Variants in DEPP1 observed in about 807,000 individuals in gnomAD.
DEPP1 encodes protein DEPP1.
For synonymous variants in DEPP1, 117 were observed against 113.6 expected, an observed-to-expected ratio of 1.03 and a Z score of -0.19; for missense variants, 267 against 280.1, an observed-to-expected ratio of 0.95 and a Z score of 0.33.
rs2132780924 is a variant in DEPP1 at position 44,976,701 on chromosome 10, AGTG to A, written c.*688_*690del. 1 of 152,776 alleles carries A rather than the reference AGTG, an allele frequency of 6.5e-6. No individual in the cohort carries two copies. The highest frequency in any genetic ancestry group is 1.9e-4 in the East Asian group (1 of 5,194). The allele number at this position is 152,776 out of a possible 1,614,324, so 9.5% of individuals were successfully genotyped here. The stretch of plus-strand genomic sequence containing the variant: ...CCATGCCATGAGGCCCCTGTGTGGA[AGTG>A]GTGTAGGGGTGGGGATGGTAGCACT... On this transcript the variant is annotated 3_prime_UTR_variant, in exon 2 of 2. Coordinates refer to ENST00000298295, the MANE Select transcript of DEPP1 (RefSeq NM_007021.4).
chr10:44,978,584 T>G (rs997280393), intron 1 of DEPP1, 34 bp downstream of exon 1: 1 of 152,398 alleles, frequency 6.6e-6, no homozygotes, highest in Non-Finnish European at 1.5e-5. Flanking sequence ...CCTTGTGTTT[T>G]GTCTCAAACC....
At position 44,977,761 on chromosome 10, in the gene DEPP1, A is replaced by G. The variant is rs1588822214; in HGVS notation, c.270T>C (p.Ser90=). 2.5e-6 allele frequency: 4 copies of G among 1,601,108 alleles called. No individual in the cohort carries two copies. The highest frequency in any genetic ancestry group is 3.4e-6 in the Non-Finnish European group (4 of 1,172,240). Reference sequence around the variant, plus strand: ...CCATGGGCAGTGTGGGCTGCTGGCCACTGAAACGTGCGGTGATGTCTCGCA... The same window carrying G: ...CCATGGGCAGTGTGGGCTGCTGGCCGCTGAAACGTGCGGTGATGTCTCGCA... ...VSLRDITARF[S]GQQPTLPMAD... Residue 90 remains serine (S), a synonymous_variant, in exon 2 of 2, where the codon AGT becomes AGC. Transcript: ENST00000298295.
In DEPP1 at chr10:44,977,669, T is replaced by C. The variant is rs945476157; in HGVS notation, c.362A>G (p.Asp121Gly). ...ESQEKQPSQR[D>G]LPRRTGPSAG... ...AGAGGGGCCAGTCCTCCTTGGCAGG[T>C]CCCTCTGGCTTGGCTGCTTTTCCTG... The change falls in exon 2 of 2, where the codon GAC (aspartate) becomes GGC (glycine). Residue 121 changes from aspartate to glycine, a missense_variant. Asp to Gly is a moderately conservative substitution (Grantham distance 94). Transcript: ENST00000298295. 6.8e-6 allele frequency: 11 copies of C among 1,612,804 alleles called. No individual in the cohort carries two copies. Among genetic ancestry groups the C allele is most frequent in the Admixed American group, 1.7e-5 (1 of 59,970 alleles).
chr10:44,977,025 T>G lies in DEPP1; in HGVS notation c.*367A>C. 5.9e-6 allele frequency: 1 copy of G among 170,332 alleles called. No individual in the cohort carries two copies. Among genetic ancestry groups the G allele is most frequent in the Non-Finnish European group, 1.2e-5 (1 of 80,574 alleles). 10.6% of individuals were successfully genotyped at this position (170,332 alleles called of 1,614,324 possible). A position where few individuals can be genotyped will look rare whatever the true frequency, so the allele number is the denominator to read the frequency against. ...CTACCACCAGTTTCCCCACCAGCGATGATGGTAGCTACTCAGCCAGTGGGC... is the reference window on the plus strand; with the variant it reads ...CTACCACCAGTTTCCCCACCAGCGAGGATGGTAGCTACTCAGCCAGTGGGC... On this transcript the variant is annotated 3_prime_UTR_variant, in exon 2 of 2. Coordinates refer to ENST00000298295, the MANE Select transcript of DEPP1 (RefSeq NM_007021.4).
At position 44,976,501 on chromosome 10, in the gene DEPP1, T is replaced by C. The variant is rs1013888771; in HGVS notation, c.*891A>G. On this transcript the variant is annotated 3_prime_UTR_variant, in exon 2 of 2. Transcript: ENST00000298295. The stretch of plus-strand genomic sequence containing the variant: ...TCTCCTCTCTCTGTCCCTTCACCTC[T>C]GATCAGTCCCAGCCTGATTCCCGTT... 6.6e-6 allele frequency: 1 copy of C among 152,438 alleles called. No homozygotes were observed. The highest frequency in any genetic ancestry group is 1.5e-5 in the Non-Finnish European group (1 of 68,168). 9.4% of individuals were successfully genotyped at this position (152,438 alleles called of 1,614,324 possible). A position where few individuals can be genotyped will look rare whatever the true frequency, so the allele number is the denominator to read the frequency against.
In DEPP1 at chr10:44,977,686, C is replaced by CT. The variant is rs1294036632; in HGVS notation, c.344dup (p.Gln116AlafsTer22). ...TTGGCAGGTCCCTCTGGCTTGGCTG[C>CT]TTTTCCTGGGACTCCCCAAAAAGCC... On this transcript the variant is annotated frameshift_variant, in exon 2 of 2. Transcript: ENST00000298295. LOFTEE classifies it low-confidence loss of function (END_TRUNC). 1 of 1,612,744 alleles carries CT rather than the reference C, an allele frequency of 6.2e-7. No individual in the cohort carries two copies. The highest frequency in any genetic ancestry group is 8.5e-7 in the Non-Finnish European group (1 of 1,179,796).
Position 44,977,746 on chromosome 10 carries a change from T to C in DEPP1, c.285A>G (p.Thr95=). The C allele has an allele frequency of 6.2e-7, 1 of 1,601,676 alleles. No homozygotes were observed. The highest frequency in any genetic ancestry group is 8.5e-7 in the Non-Finnish European group (1 of 1,172,976). Residue 95 remains threonine (T), a synonymous_variant, in exon 2 of 2, where the codon ACA becomes ACG. Transcript: ENST00000298295. ...ITARFSGQQP[T]LPMADTVDPL... ...GGTCCACAGTATCAGCCATGGGCAG[T>C]GTGGGCTGCTGGCCACTGAAACGTG...
rs1210897196 is a variant in DEPP1 at position 44,976,432 on chromosome 10, T to A, written c.*960A>T. 1 of 152,326 alleles carries A rather than the reference T, an allele frequency of 6.6e-6. No individual in the cohort carries two copies. Among genetic ancestry groups the A allele is most frequent in the Non-Finnish European group, 1.5e-5 (1 of 68,086 alleles). 9.4% of individuals were successfully genotyped at this position (152,326 alleles called of 1,614,324 possible). ...ACAGAGCAAGGAGGTGGCAGAGACC[T>A]GCCCAGGTGAGCTTGGCTGTTGCCC... On this transcript the variant is annotated 3_prime_UTR_variant, in exon 2 of 2. Transcript: ENST00000298295.
At position 44,977,252 on chromosome 10, in the gene DEPP1, CT is replaced by C; in HGVS notation, c.*139del. ...TCATATTCAGAGGGGGTCGGTCTCACTGTGAACTGCCCAAGCAGGGGCCTCT... is the reference window on the plus strand; with the variant it reads ...TCATATTCAGAGGGGGTCGGTCTCACGTGAACTGCCCAAGCAGGGGCCTCT... On this transcript the variant is annotated 3_prime_UTR_variant, in exon 2 of 2. Transcript: ENST00000298295. The C allele has an allele frequency of 8.7e-7, 1 of 1,144,104 alleles. No homozygotes were observed. Among genetic ancestry groups the C allele is most frequent in the East Asian group, 2.4e-5 (1 of 41,876 alleles). The allele number at this position is 1,144,104 out of a possible 1,614,324, so 70.9% of individuals were successfully genotyped here. A position where few individuals can be genotyped will look rare whatever the true frequency, so the allele number is the denominator to read the frequency against.
chr10:44,977,185 G>T lies in DEPP1; in HGVS notation c.*207C>A. 1 of 577,982 alleles carries T rather than the reference G, an allele frequency of 1.7e-6. No homozygotes were observed. The highest frequency in any genetic ancestry group is 3.4e-5 in the South Asian group (1 of 29,754). The allele number at this position is 577,982 out of a possible 1,614,324, so 35.8% of individuals were successfully genotyped here. On this transcript the variant is annotated 3_prime_UTR_variant, in exon 2 of 2. Transcript: ENST00000298295. ...GTGATCAGCCAGCAAGGGTCAGAGC[G>T]AACGGGATTGGTAACATCTCCTCAT...
chr10:44,977,988 T>C lies in DEPP1; in HGVS notation c.43A>G (p.Ile15Val). ...LLLSVAHLPTIRETTEEMLLG... is the reference protein window; with the variant it reads ...LLLSVAHLPTVRETTEEMLLG... ...AGCATCTCCTCCGTGGTCTCCCGAA[T>C]TGTGGGCAGATGGGCCACGGAGAGC... The change falls in exon 2 of 2, where the codon ATT (isoleucine) becomes GTT (valine). Residue 15 changes from isoleucine (I) to valine (V), a missense_variant. Ile to Val is a conservative substitution (Grantham distance 29). Transcript: ENST00000298295. 1.9e-6 allele frequency: 3 copies of C among 1,611,798 alleles called. No homozygotes were observed. The highest frequency in any genetic ancestry group is 1.7e-4 in the Middle Eastern group (1 of 6,052).
chr10:44,978,006 C>T lies in DEPP1; in HGVS notation c.25G>A (p.Val9Met), dbSNP rs565312333. ...TCCCGAATTGTGGGCAGATGGGCCA[C>T]GGAGAGCAGAAGCCGGGACCTCATC... MRSRLLLS[V>M]AHLPTIRETT... is the part of the protein sequence containing the mutation. Residue 9 changes from valine to methionine, a missense_variant, in exon 2 of 2, where the codon GTG (valine) becomes ATG (methionine). By Grantham distance (21) the Val-to-Met change is conservative. Coordinates refer to ENST00000298295, the MANE Select transcript of DEPP1 (RefSeq NM_007021.4). The T allele has an allele frequency of 1.1e-5, 18 of 1,610,914 alleles. No homozygotes were observed. Among genetic ancestry groups the T allele is most frequent in the Middle Eastern group, 1.7e-4 (1 of 6,044 alleles).
rs575748217 is a variant in DEPP1 at position 44,977,894 on chromosome 10, C to T, written c.137G>A (p.Arg46Gln). 2.5e-6 allele frequency: 4 copies of T among 1,612,506 alleles called. No homozygotes were observed. The highest frequency in any genetic ancestry group is 4.5e-5 in the East Asian group (2 of 44,870). Residue 46 changes from arginine to glutamine, a missense_variant, in exon 2 of 2, where the codon CGA becomes CAA. Arg to Gln is a conservative substitution (Grantham distance 43, BLOSUM62 1). Transcript: ENST00000298295. ...SLDDYVRSIS[R>Q]LAQPTSVLDK... Reference sequence around the variant, plus strand: ...CAGCACAGAGGTGGGCTGTGCCAGTCGAGATATAGACCTCACGTAGTCATC... The same window carrying T: ...CAGCACAGAGGTGGGCTGTGCCAGTTGAGATATAGACCTCACGTAGTCATC...
intron 1 of DEPP1, among the ~76,000 whole-genome samples, 152 bp downstream of exon 1, chr10:44,978,466 C>T (rs2132785095): frequency 6.6e-6 from 1 of 152,318 alleles, no homozygotes. Flanking sequence ...GAAATAACCC[C>T]TGAATCCCTT....
chr10:44,978,071 A>C lies in DEPP1; in HGVS notation c.-25-16T>G. 1 of 1,585,078 alleles carries C rather than the reference A, an allele frequency of 6.3e-7. No homozygotes were observed. The highest frequency in any genetic ancestry group is 8.6e-7 in the Non-Finnish European group (1 of 1,168,866). On this transcript the variant is annotated splice_polypyrimidine_tract_variant and intron_variant, in intron 1 of 1. Transcript: ENST00000298295. ...AGGTGGCAACCTGTTGGGAAACAGAAGCCTGGTGGTGAGGGCCTGCCATGC... is the reference window on the plus strand; with the variant it reads ...AGGTGGCAACCTGTTGGGAAACAGACGCCTGGTGGTGAGGGCCTGCCATGC...
chr10:44,977,865 T>C lies in DEPP1; in HGVS notation c.166A>G (p.Lys56Glu), dbSNP rs1228601763. ...RLAQPTSVLD[K>E]ATAQGQPRPP... is the part of the protein sequence containing the mutation. Reference sequence around the variant, plus strand: ...CTGGGTTGGCCCTGGGCCGTGGCCTTGTCCAGCACAGAGGTGGGCTGTGCC... The same window carrying C: ...CTGGGTTGGCCCTGGGCCGTGGCCTCGTCCAGCACAGAGGTGGGCTGTGCC... Residue 56 changes from lysine (K) to glutamate (E), a missense_variant, in exon 2 of 2, where the codon AAG (lysine) becomes GAG (glutamate). Transcript: ENST00000298295. 3.7e-6 allele frequency: 6 copies of C among 1,610,860 alleles called. No individual in the cohort carries two copies. The highest frequency in any genetic ancestry group is 5.1e-6 in the Non-Finnish European group (6 of 1,178,932).
In DEPP1 at chr10:44,977,270, G is replaced by A. The variant is rs930554665; in HGVS notation, c.*122C>T. 1 of 1,314,314 alleles carries A rather than the reference G, an allele frequency of 7.6e-7. No individual in the cohort carries two copies. Among genetic ancestry groups the A allele is most frequent in the African/African-American group, 1.5e-5 (1 of 67,898 alleles). 81.4% of individuals were successfully genotyped at this position (1,314,314 alleles called of 1,614,324 possible). A position where few individuals can be genotyped will look rare whatever the true frequency, so the allele number is the denominator to read the frequency against. The stretch of plus-strand genomic sequence containing the variant: ...GGTCTCACTGTGAACTGCCCAAGCA[G>A]GGGCCTCTGCAGAAAAGCATTTCCC... On this transcript the variant is annotated 3_prime_UTR_variant, in exon 2 of 2. Transcript: ENST00000298295.
chr10:44,977,920 C>T lies in DEPP1; in HGVS notation c.111G>A (p.Leu37=). 1.2e-6 allele frequency: 2 copies of T among 1,612,730 alleles called. No homozygotes were observed. Among genetic ancestry groups the T allele is most frequent in the Non-Finnish European group, 1.7e-6 (2 of 1,179,828 alleles). ...PGQEPPPSPS[L]DDYVRSISRL... ...GAGATATAGACCTCACGTAGTCATC[C>T]AGGCTAGGAGAGGGTGGGGGCTCCT... Residue 37 remains leucine (L), a synonymous_variant, in exon 2 of 2, where the codon CTG becomes CTA. Coordinates refer to ENST00000298295, the MANE Select transcript of DEPP1 (RefSeq NM_007021.4).
chr10:44,977,714 TC>T lies in DEPP1; in HGVS notation c.316del (p.Asp106ThrfsTer70). 6.2e-7 allele frequency: 1 copy of T among 1,611,654 alleles called. No homozygotes were observed. Among genetic ancestry groups the T allele is most frequent in the Non-Finnish European group, 8.5e-7 (1 of 1,179,202 alleles). On this transcript the variant is annotated frameshift_variant, in exon 2 of 2. Transcript: ENST00000298295. LOFTEE classifies it low-confidence loss of function (END_TRUNC). ...LPMADTVDPL[D>X]WLFGESQEKQ... ...TTCCTGGGACTCCCCAAAAAGCCAG[TC>T]CAGGGGGTCCACAGTATCAGCCATG...
Sources: gnomAD v4.1 joint callset for allele counts (sites outside exome capture counted in the v4.1 genomes callset) on GRCh38, gnomAD v4.1.1 for gene constraint, MANE v1.5 for transcripts, NCBI Gene and HGNC (gene_info 2026-07-23, HGNC 2026-07-21) for gene names.